The following CNTNAP2 variants were observed in gnomAD, a reference collection of about 807,000 sequenced individuals.
The protein encoded by CNTNAP2 is contactin associated protein 2.
Under a neutral mutation model 155.2 loss-of-function variants are expected in CNTNAP2, and 98 were observed. That is an observed-to-expected ratio of 0.63 (90% CI 0.54 to 0.75). The LOEUF (loss-of-function observed/expected upper bound fraction) is 0.75, where lower values mean the gene tolerates loss of function less well. Ranked by LOEUF, CNTNAP2 falls within the 30% of genes least tolerant of loss-of-function variation. The probability of loss-of-function intolerance (pLI) is 0.00; values close to 1 mark genes in which losing one functional copy is unlikely to be tolerated. For synonymous variants in CNTNAP2, 651 were observed against 631.2 expected (o/e 1.03, Z -0.47); for missense variants, 1,727 against 1,688.1 (o/e 1.02, Z -0.40).
intron 3 of CNTNAP2, among the ~76,000 whole-genome samples, chr7:147,005,675 T>C (rs1798512155): frequency 6.6e-6 from 1 of 152,068 alleles, no homozygotes; most frequent in Admixed American, 6.6e-5. Context: ...TATGCAGACT[T>C]AAACCAGTGC....
intron 20 of CNTNAP2, among the ~76,000 whole-genome samples, chr7:148,244,286 G>A (rs1026500367): frequency 6.6e-6 from 1 of 152,112 alleles, no homozygotes; most frequent in Non-Finnish European, 1.5e-5. Flanking sequence ...AGCTGCTTAT[G>A]TATGTGATTT....
chr7:146,733,432 GAAATA>G (rs1486692585), intron 1 of CNTNAP2, among the ~76,000 whole-genome samples: 1 of 115,726 alleles, frequency 8.6e-6, no homozygotes, highest in Non-Finnish European at 2.0e-5. Flanking sequence ...CAAAAAACAA[GAAATA>G]AAATATATAC....
At chr7:147,479,847 G>A (rs1413306283) in intron 10 of CNTNAP2, among the ~76,000 whole-genome samples, 1 of 151,726 alleles carries the variant, frequency 6.6e-6, no homozygotes, top group African/African-American at 2.4e-5. Context: ...TATTACAATA[G>A]TGTTTCTAGT....
rs1800526982 is a variant in CNTNAP2, at chr7:146,297,126, G to A, written c.97+180153G>A. ...TGTTAATTCAATTTTTTTCTTGAAT[G>A]ATTGAATATTATTTCCATCATTTGT... On this transcript the variant is annotated intron_variant, in intron 1 of 23. Transcript: ENST00000361727. Among the ~76,000 whole-genome samples the A allele has an allele frequency of 2.0e-5, 3 of 152,160 alleles. No homozygotes were observed. The South Asian group carries it at 6.2e-4, about 32-fold the overall frequency.
chr7:147,120,835 A>G (rs1352690599), intron 5 of CNTNAP2, 144 bp from the exon 6 acceptor site: 14 of 744,798 alleles, frequency 1.9e-5, no homozygotes, highest in South Asian at 7.5e-5. Flanking sequence ...AAGTGTCGTT[A>G]CTTACTGGTA....
intron 11 of CNTNAP2, among the ~76,000 whole-genome samples, chr7:147,511,550 C>T (rs1378327804): frequency 2.0e-5 from 3 of 150,482 alleles, no homozygotes; most frequent in South Asian, 2.1e-4. Context: ...GATCTAGTAT[C>T]GTGGGGCATA....
chr7:147,899,871 C>T (rs866252278), intron 13 of CNTNAP2, among the ~76,000 whole-genome samples: 16 of 149,774 alleles, frequency 1.1e-4, no homozygotes, highest in Non-Finnish European at 1.5e-4. Flanking sequence ...CCAGCCTGCA[C>T]GACAGAGCCA....
At chr7:147,917,565 A>G (rs1406061453) in intron 14 of CNTNAP2, among the ~76,000 whole-genome samples, 2 of 152,248 alleles carry the variant, frequency 1.3e-5, no homozygotes, top group Non-Finnish European at 2.9e-5. Flanking sequence ...GAATGACTTT[A>G]CATACCACTT....
intron 1 of CNTNAP2, among the ~76,000 whole-genome samples, chr7:146,467,650 C>T (rs1176764427): frequency 6.6e-6 from 1 of 152,006 alleles, no homozygotes; most frequent in Non-Finnish European, 1.5e-5. Flanking sequence ...GTGTTAGTTT[C>T]CTGATTTATA....
chr7:147,775,392 AATATATATATTT>A (rs1217890178), intron 13 of CNTNAP2, among the ~76,000 whole-genome samples: 19 of 93,218 alleles, frequency 2.0e-4, no homozygotes, highest in South Asian at 8.7e-4. Context: ...TATATTTATA[AATATATATATTT>A]ATATATATAT....
intron 9 of CNTNAP2, among the ~76,000 whole-genome samples, chr7:147,374,326 T>C (rs1796399030): frequency 6.6e-6 from 1 of 152,258 alleles, no homozygotes; most frequent in East Asian, 1.9e-4. Context: ...TAACATGTTT[T>C]TTTCACTGTT....
chr7:147,048,349 C>T (rs1276071623), intron 4 of CNTNAP2, among the ~76,000 whole-genome samples: 6 of 150,958 alleles, frequency 4.0e-5, no homozygotes, highest in Admixed American at 2.0e-4. Context: ...CAAGGAAGGC[C>T]AGCAGCTCAA....
intron 1 of CNTNAP2, among the ~76,000 whole-genome samples, chr7:146,675,045 A>G (rs1308929653): frequency 6.6e-6 from 1 of 152,094 alleles, no homozygotes; most frequent in East Asian, 1.9e-4. Context: ...GCATATTCTG[A>G]TCTCTTTCAC....
chr7:146,427,805 A>T (rs1796114414), intron 1 of CNTNAP2, among the ~76,000 whole-genome samples: 1 of 152,216 alleles, frequency 6.6e-6, no homozygotes, highest in Non-Finnish European at 1.5e-5. Flanking sequence ...ATAGGTAAAC[A>T]TATGCTATGG....
At chr7:148,261,667 G>C (rs554948584) in intron 20 of CNTNAP2, among the ~76,000 whole-genome samples, 2 of 152,190 alleles carry the variant, frequency 1.3e-5, no homozygotes, top group South Asian at 2.1e-4. Flanking sequence ...GAGTGCAGGT[G>C]GGGGAGCAGG....
intron 2 of CNTNAP2, among the ~76,000 whole-genome samples, chr7:146,806,994 G>A (rs1450797690): frequency 2.0e-5 from 3 of 152,082 alleles, no homozygotes; most frequent in African/African-American, 7.2e-5. Flanking sequence ...CTTGGCAAAC[G>A]AAAGCAACAT....
chr7:148,061,560 G>A (rs1349347560), intron 15 of CNTNAP2, among the ~76,000 whole-genome samples: 10 of 151,870 alleles, frequency 6.6e-5, no homozygotes, highest in African/African-American at 9.7e-5. Flanking sequence ...TCACCATGTC[G>A]GCCAGGCCTA....
At chr7:147,791,176 T>C (rs1203028708) in intron 13 of CNTNAP2, among the ~76,000 whole-genome samples, 1 of 152,210 alleles carries the variant, frequency 6.6e-6, no homozygotes, top group African/African-American at 2.4e-5. Flanking sequence ...TCATTTGTCC[T>C]AGATGCCTCT....
At chr7:146,470,932 G>A (rs1203438833) in intron 1 of CNTNAP2, among the ~76,000 whole-genome samples, 1 of 152,056 alleles carries the variant, frequency 6.6e-6, no homozygotes, top group Non-Finnish European at 1.5e-5. Flanking sequence ...AGCCAGATAA[G>A]AGTAAGCCTT....
Sources: gnomAD v4.1 joint callset for allele counts (sites outside exome capture counted in the v4.1 genomes callset) on GRCh38, gnomAD v4.1.1 for gene constraint, MANE v1.5 for transcripts, NCBI Gene and HGNC (gene_info 2026-07-23, HGNC 2026-07-21) for gene names.